The following NCOR1 variants were observed in gnomAD, a reference collection of about 807,000 sequenced individuals.
NCOR1 encodes the protein protein phosphatase 1, regulatory subunit 109.
Under a neutral mutation model 288.1 loss-of-function variants are expected in NCOR1, and 63 were observed. That is an observed-to-expected ratio of 0.22 (90% CI 0.18 to 0.27). The LOEUF is 0.27. Ranked by LOEUF, NCOR1 falls within the 10% of genes least tolerant of loss-of-function variation. The pLI, the probability that NCOR1 is intolerant of heterozygous loss-of-function variation, is 1.00. For synonymous variants in NCOR1, 1,007 were observed against 1,065.9 expected (o/e 0.94, Z 1.08); for missense variants, 2,397 against 3,019.2 (o/e 0.79, Z 4.83).
chr17:16,184,521 A>G (rs2086199148), intron 3 of NCOR1, among the ~76,000 whole-genome samples: 1 of 152,194 alleles, frequency 6.6e-6, no homozygotes, highest in East Asian at 1.9e-4. Flanking sequence ...AGATATTCTC[A>G]CACCCATTAG....
At chr17:16,083,860 G>T (rs542845497) in intron 23 of NCOR1, among the ~76,000 whole-genome samples, 4 of 151,724 alleles carry the variant, frequency 2.6e-5, no homozygotes, top group African/African-American at 7.3e-5. Context: ...TTCATGTTTG[G>T]GGGGGGAAAT....
chr17:16,065,911 A>G lies in NCOR1; in HGVS notation c.4742-217T>C, dbSNP rs1318797763. ...AGATGTAATGGAAAAGGGGAAGGATAACAGTAGCTAAAAACTTCTCAAGTA... is the reference window on the plus strand; with the variant it reads ...AGATGTAATGGAAAAGGGGAAGGATGACAGTAGCTAAAAACTTCTCAAGTA... On this transcript the variant is annotated intron_variant, in intron 32 of 45. Transcript: ENST00000268712. The G allele has an allele frequency of 3.1e-5, 17 of 550,388 alleles. 1 individual carries two copies. The South Asian group carries it at 3.3e-4, about 11-fold the overall frequency. The allele number at this position is 550,388 out of a possible 1,614,324, so 34.1% of individuals were successfully genotyped here.
chr17:16,137,725 G>A (rs936548851), intron 13 of NCOR1: 3 of 227,290 alleles, frequency 1.3e-5, no homozygotes. Context: ...TTTTTAAAAT[G>A]TCTTTAAATA....
At chr17:16,200,757 G>A (rs1260836807) in intron 1 of NCOR1, among the ~76,000 whole-genome samples, 2 of 152,108 alleles carry the variant, frequency 1.3e-5, no homozygotes, top group Non-Finnish European at 2.9e-5. Context: ...TTAAACTGAG[G>A]AAAATTAGGT....
intron 5 of NCOR1, 81 bp from the exon 6 acceptor site, chr17:16,158,954 C>T (rs2153418833): frequency 2.3e-6 from 2 of 888,036 alleles, no homozygotes; most frequent in Non-Finnish European, 3.5e-6. Context: ...ATAACACAGG[C>T]TACTAAGCTT....
chr17:16,050,189 T>C (rs1185134100), intron 40 of NCOR1, among the ~76,000 whole-genome samples: 1 of 151,810 alleles, frequency 6.6e-6, no homozygotes, highest in Non-Finnish European at 1.5e-5. Flanking sequence ...CCAAAAGTAA[T>C]GGGAATTACA....
Position 16,154,015 on chromosome 17 carries a change from CTTTTTTT to C in NCOR1, c.733-627_733-621del, listed in dbSNP as rs61436082. Among the ~76,000 whole-genome samples, 45 of 109,680 alleles carry C rather than the reference CTTTTTTT, an allele frequency of 4.1e-4. No homozygotes were observed. The East Asian group carries it at 4.3e-3, about 11-fold the overall frequency. 72.0% of individuals were successfully genotyped at this position (109,680 alleles called of 152,430 possible). A position where few individuals can be genotyped will look rare whatever the true frequency, so the allele number is the denominator to read the frequency against. ...ATATGTATTTGTAATATGCTATTTC[CTTTTTTT>C]TTTTTTTTTTTTTTTTTTATTTGAG... On this transcript the variant is annotated intron_variant, in intron 6 of 45. Transcript: ENST00000268712.
At chr17:16,132,446 T>C (rs1011302601) in intron 14 of NCOR1, among the ~76,000 whole-genome samples, 3 of 152,206 alleles carry the variant, frequency 2.0e-5, no homozygotes, top group African/African-American at 7.2e-5. Flanking sequence ...AGATCCTAAA[T>C]AATAACATTC....
intron 14 of NCOR1, among the ~76,000 whole-genome samples, chr17:16,136,940 C>T (rs2076525162): frequency 6.6e-6 from 1 of 151,856 alleles, no homozygotes; most frequent in African/African-American, 2.4e-5. Context: ...TTGTATTTCT[C>T]TCCCTTACTC....
chr17:16,072,499 C>G (rs189603899), intron 28 of NCOR1, among the ~76,000 whole-genome samples: 1 of 152,276 alleles, frequency 6.6e-6, no homozygotes, highest in African/African-American at 2.4e-5. Context: ...AATCCCAACA[C>G]TTCTTTATCA....
chr17:16,042,928 G>A (rs1002045203), intron 42 of NCOR1, among the ~76,000 whole-genome samples: 11 of 152,246 alleles, frequency 7.2e-5, no homozygotes, highest in Non-Finnish European at 1.0e-4. Flanking sequence ...GCATACAAGC[G>A]ACCATTCAAC....
chr17:16,081,812 G>T, intron 23 of NCOR1, among the ~76,000 whole-genome samples: 1 of 152,218 alleles, frequency 6.6e-6, no homozygotes, highest in East Asian at 1.9e-4. Context: ...GCCAGGGAAT[G>T]AGATGTTCAT....
At chr17:16,048,484 A>G (rs561474942) in intron 41 of NCOR1, among the ~76,000 whole-genome samples, 4 of 152,308 alleles carry the variant, frequency 2.6e-5, no homozygotes, top group African/African-American at 9.6e-5. Context: ...AGAAATAGGT[A>G]AGATTAAATC....
intron 1 of NCOR1, among the ~76,000 whole-genome samples, chr17:16,211,375 T>C (rs2092113584): frequency 6.6e-6 from 1 of 152,004 alleles, no homozygotes; most frequent in Non-Finnish European, 1.5e-5. Context: ...CCCAAGTAGC[T>C]GGGACCACAA....
At chr17:16,199,681 T>G (rs2090496066) in intron 1 of NCOR1, among the ~76,000 whole-genome samples, 1 of 152,216 alleles carries the variant, frequency 6.6e-6, no homozygotes, top group South Asian at 2.1e-4. Flanking sequence ...AGTATCAAAT[T>G]ATAATTTCAG....
At chr17:16,137,264 A>T (rs374198789) in intron 14 of NCOR1, 47 bp downstream of exon 14, 1 of 1,308,760 alleles carries the variant, frequency 7.6e-7, no homozygotes, top group African/African-American at 1.5e-5. Flanking sequence ...TTGCTTGCCT[A>T]TTTCCCCCAA....
intron 15 of NCOR1, among the ~76,000 whole-genome samples, chr17:16,123,698 C>T (rs2073459061): frequency 1.3e-5 from 2 of 152,164 alleles, no homozygotes. Context: ...TTCCCTCTAC[C>T]CTACCCACAT....
intron 26 of NCOR1, among the ~76,000 whole-genome samples, chr17:16,077,190 G>A (rs776013669): frequency 1.1e-4 from 17 of 151,846 alleles, no homozygotes; most frequent in African/African-American, 4.1e-4. Context: ...TGAAGCCAGG[G>A]GTTCAAGACC....
chr17:16,065,655 G>A lies in NCOR1; in HGVS notation c.4781C>T (p.Thr1594Ile), dbSNP rs904210912. Residue 1594 changes from threonine to isoleucine, a missense_variant, in exon 33 of 46, where the codon ACT becomes ATT. Transcript: ENST00000268712. ...CTGATACTGACTTGGGTAACCTGGA[G>A]TTGGTGAAAGCTGTCTCTGAAACAG... is the stretch of plus-strand genomic sequence containing the variant. ...AYLFQRQLSP[T>I]PGYPSQYQLY... 1.2e-6 allele frequency: 2 copies of A among 1,614,228 alleles called. No homozygotes were observed. Among genetic ancestry groups the A allele is most frequent in the Non-Finnish European group, 1.7e-6 (2 of 1,180,044 alleles).
Sources: gnomAD v4.1 joint callset for allele counts (sites outside exome capture counted in the v4.1 genomes callset) on GRCh38, gnomAD v4.1.1 for gene constraint, MANE v1.5 for transcripts, NCBI Gene and HGNC (gene_info 2026-07-23, HGNC 2026-07-21) for gene names.